HIPK1: variants seen among roughly 807,000 people sequenced by gnomAD.
The protein encoded by HIPK1 is homeodomain interacting protein kinase 1, also known as homeodomain-interacting protein kinase 1.
HIPK1 carries 28 observed loss-of-function variants against 117.1 expected under a neutral mutation model. That is an observed-to-expected ratio of 0.24 (90% confidence interval 0.18 to 0.33). The LOEUF is 0.33. Among genes scored for constraint, HIPK1 ranks in the 10% least tolerant of loss-of-function variants. HIPK1 has a pLI of 1.00. For synonymous variants in HIPK1, 605 were observed against 562.5 expected (o/e 1.08, Z -1.07); for missense variants, 1,122 against 1,475.1 (o/e 0.76, Z 3.92).
At chr1:113,952,726 G>GT (rs369231621) in intron 2 of HIPK1, 40 bp from the exon 3 acceptor site, 135,217 of 882,456 alleles carry the variant, frequency 0.15, 20 homozygotes, top group Non-Finnish European at 0.17. Context: ...CCCAAATAAT[G>GT]TTTTTTTTTT....
chr1:113,969,974 G>A lies in HIPK1; in HGVS notation c.2790G>A (p.Arg930=). ...YKPSSSGLKP[R]SNVISYVTVN... ...TCCTCAGCTCTGGACTGAAGCCAAG[G>A]TCTAATGTCATCAGTTATGTCACTG... Residue 930 remains arginine (R), a synonymous_variant, in exon 14 of 16, where the codon AGG becomes AGA. Transcript: ENST00000426820. The A allele has an allele frequency of 6.2e-7, 1 of 1,614,126 alleles. No homozygotes were observed.
rs944963721 is a variant in HIPK1, at chr1:113,974,647, C to T, written c.*1135C>T. 1.3e-5 allele frequency: 2 copies of T among 152,636 alleles called. No homozygotes were observed. The highest frequency in any genetic ancestry group is 2.9e-5 in the Non-Finnish European group (2 of 68,012). 9.5% of individuals were successfully genotyped at this position (152,636 alleles called of 1,614,324 possible). On this transcript the variant is annotated 3_prime_UTR_variant, in exon 16 of 16. Transcript: ENST00000426820. ...ATGCCAGCAGCAAATTGAATGCTCT[C>T]TTATTAAGACTTATATAATAAGTGC...
At position 113,929,412 on chromosome 1, in the gene HIPK1, C is replaced by T; in HGVS notation, c.-123C>T. 2 of 1,289,310 alleles carry T rather than the reference C, an allele frequency of 1.6e-6. No individual in the cohort carries two copies. The highest frequency in any genetic ancestry group is 2.0e-6 in the Non-Finnish European group (2 of 988,856). The allele number at this position is 1,289,310 out of a possible 1,614,324, so 79.9% of individuals were successfully genotyped here. A position where few individuals can be genotyped will look rare whatever the true frequency, so the allele number is the denominator to read the frequency against. On this transcript the variant is annotated 5_prime_UTR_variant, in exon 1 of 16. Coordinates refer to ENST00000426820, the MANE Select transcript of HIPK1 (RefSeq NM_198268.3). ...TGCGGAGGGGGCGGGAAGTCCAGGC[C>T]CCGCACTCGATCCACGCTGGCTCCC...
Position 113,973,644 on chromosome 1 carries a change from C to A in HIPK1, c.*132C>A. ...CAGCAACTTGTTCTGCAGGGGCCCA[C>A]TGAAGCAGAAGGTTTTTCTCTGGGG... is the stretch of plus-strand genomic sequence containing the variant. On this transcript the variant is annotated 3_prime_UTR_variant, in exon 16 of 16. Coordinates refer to ENST00000426820, the MANE Select transcript of HIPK1 (RefSeq NM_198268.3). 1 of 1,063,028 alleles carries A rather than the reference C, an allele frequency of 9.4e-7. No individual in the cohort carries two copies. The highest frequency in any genetic ancestry group is 1.3e-6 in the Non-Finnish European group (1 of 762,338). The allele number at this position is 1,063,028 out of a possible 1,614,324, so 65.8% of individuals were successfully genotyped here.
intron 2 of HIPK1, among the ~76,000 whole-genome samples, chr1:113,950,291 T>C (rs1671263509): frequency 6.6e-6 from 1 of 152,134 alleles, no homozygotes; most frequent in Non-Finnish European, 1.5e-5. Context: ...GGGTATTCTG[T>C]GAGGAGACAC....
chr1:113,929,868 C>G, intron 1 of HIPK1: 1 of 987,592 alleles, frequency 1.0e-6, no homozygotes, highest in South Asian at 4.5e-5. Context: ...GCTGCGGGGC[C>G]CCAGATCTCG....
chr1:113,972,696 A>C (rs1376427362), intron 15 of HIPK1, among the ~76,000 whole-genome samples: 1 of 152,224 alleles, frequency 6.6e-6, no homozygotes, highest in Non-Finnish European at 1.5e-5. Context: ...GCTAGGAAAA[A>C]TTCAAATTTA....
chr1:113,931,825 C>T (rs1054393124), intron 1 of HIPK1, among the ~76,000 whole-genome samples: 14 of 152,160 alleles, frequency 9.2e-5, no homozygotes, highest in Non-Finnish European at 5.9e-5. Context: ...TATATTGTAA[C>T]TGGTCTTGTA....
At position 113,963,393 on chromosome 1, in the gene HIPK1, T is replaced by C; in HGVS notation, c.2110T>C (p.Cys704Arg). The C allele has an allele frequency of 6.2e-7, 1 of 1,614,084 alleles. No individual in the cohort carries two copies. The highest frequency in any genetic ancestry group is 8.5e-7 in the Non-Finnish European group (1 of 1,180,008). Residue 704 changes from cysteine to arginine, a missense_variant, in exon 10 of 16, where the codon TGT becomes CGT. This residue lies in a region of HIPK1 where 731 missense variants were observed against 860.4 expected (regional missense o/e 0.85). Coordinates refer to ENST00000426820, the MANE Select transcript of HIPK1 (RefSeq NM_198268.3). The stretch of plus-strand genomic sequence containing the variant: ...TGCCTAATCTACGTTTCAGGGAAGC[T>C]GTACACCACTAATGGTAGCAACTCT... ...IQSGVLTQGSCTPLMVATLHP... is the reference protein window; with the variant it reads ...IQSGVLTQGSRTPLMVATLHP...
In HIPK1 at chr1:113,971,953, A is replaced by G; in HGVS notation, c.3143A>G (p.Gln1048Arg). 2 of 1,611,330 alleles carry G rather than the reference A, an allele frequency of 1.2e-6. No homozygotes were observed. Among genetic ancestry groups the G allele is most frequent in the Non-Finnish European group, 1.7e-6 (2 of 1,178,788 alleles). The change falls in exon 15 of 16, where the codon CAG (glutamine) becomes CGG (arginine). Residue 1048 changes from glutamine to arginine, a missense_variant and splice_region_variant. Gln to Arg is a conservative substitution (Grantham distance 43). This residue lies in a region of HIPK1 where 731 missense variants were observed against 860.4 expected (regional missense o/e 0.85). Coordinates refer to ENST00000426820, the MANE Select transcript of HIPK1 (RefSeq NM_198268.3). ...GCAGCACAACCACTCAATCTTAGCCAGGTAAGTGCTATGGGCTACTGCCTT... is the reference window on the plus strand; with the variant it reads ...GCAGCACAACCACTCAATCTTAGCCGGGTAAGTGCTATGGGCTACTGCCTT... Reference protein sequence around the residue: ...TSAAQPLNLSQNQQSSAAPTS... With the variant: ...TSAAQPLNLSRNQQSSAAPTS...
In HIPK1 at chr1:113,956,771, G is replaced by C; in HGVS notation, c.1552G>C (p.Val518Leu). 1.2e-6 allele frequency: 2 copies of C among 1,614,104 alleles called. No homozygotes were observed. The highest frequency in any genetic ancestry group is 1.7e-6 in the Non-Finnish European group (2 of 1,179,994). ...TCTAAAAACTCTTAACCATCAGTTT[G>C]TGACAATGACTCACCTTTTGGATTT... ...TPLKTLNHQF[V>L]TMTHLLDFPH... The change falls in exon 6 of 16, where the codon GTG becomes CTG. Residue 518 changes from valine to leucine, a missense_variant. Val to Leu is a conservative substitution (Grantham distance 32). This residue lies in a region of HIPK1 where 731 missense variants were observed against 860.4 expected (regional missense o/e 0.85). Transcript: ENST00000426820.
Position 113,968,038 on chromosome 1 carries a change from T to C in HIPK1, c.2564+90T>C, listed in dbSNP as rs185976183. 187 of 1,196,422 alleles carry C rather than the reference T, an allele frequency of 1.6e-4. No homozygotes were observed. In the African/African-American group the frequency reaches 2.5e-3, roughly 16 times the overall value. 74.1% of individuals were successfully genotyped at this position (1,196,422 alleles called of 1,614,324 possible). On this transcript the variant is annotated intron_variant, in intron 12 of 15. Transcript: ENST00000426820. The stretch of plus-strand genomic sequence containing the variant: ...TGGAATATTGTATAGACATATAATA[T>C]AGATATGAAGCAGCAAGTAGCTGCC...
At chr1:113,956,426 A>G (rs1258035876) in intron 5 of HIPK1, among the ~76,000 whole-genome samples, 1 of 152,068 alleles carries the variant, frequency 6.6e-6, no homozygotes, top group African/African-American at 2.4e-5. Context: ...TCTACCACTC[A>G]ATTTAGATGA....
chr1:113,939,677 G>A (rs986808297), intron 1 of HIPK1, among the ~76,000 whole-genome samples: 1 of 152,052 alleles, frequency 6.6e-6, no homozygotes, highest in African/African-American at 2.4e-5. Flanking sequence ...GTAGAGCAAG[G>A]AAAGAGGGAT....
intron 1 of HIPK1, chr1:113,930,009 G>T: frequency 1.0e-6 from 1 of 985,236 alleles, no homozygotes; most frequent in African/African-American, 1.7e-5. Flanking sequence ...AGGCGGGGCC[G>T]GGCCGGCCGC....
rs929614067 is a variant in HIPK1 at position 113,972,095 on chromosome 1, T to A, written c.3144+141T>A. On this transcript the variant is annotated intron_variant, in intron 15 of 15. Coordinates refer to ENST00000426820, the MANE Select transcript of HIPK1 (RefSeq NM_198268.3). ...ACAATTTTGTGTTCTATGGCTTACG[T>A]CGTACCGCATATGCTGTGTCTCTTC... 8.1e-6 allele frequency: 13 copies of A among 1,600,510 alleles called. No individual in the cohort carries two copies. In the South Asian group the frequency reaches 1.2e-4, roughly 15 times the overall value.
chr1:113,943,330 GTC>G (rs1372163569), intron 2 of HIPK1, among the ~76,000 whole-genome samples: 1 of 151,964 alleles, frequency 6.6e-6, no homozygotes, highest in Non-Finnish European at 1.5e-5. Context: ...TTGACTTTCT[GTC>G]TCTATGAATT....
intron 2 of HIPK1, among the ~76,000 whole-genome samples, chr1:113,944,613 A>G (rs1051761632): frequency 6.6e-6 from 1 of 150,706 alleles, no homozygotes; most frequent in African/African-American, 2.4e-5. Context: ...CCTCCTGAGT[A>G]GCTGGGAATA....
At chr1:113,947,727 A>G (rs1464350585) in intron 2 of HIPK1, among the ~76,000 whole-genome samples, 2 of 152,176 alleles carry the variant, frequency 1.3e-5, no homozygotes, top group African/African-American at 4.8e-5. Context: ...TGTTTCTATC[A>G]CTTAGCTGTA....
Sources: allele counts gnomAD v4.1 joint callset (sites outside exome capture counted in the v4.1 genomes callset), GRCh38; gene constraint gnomAD v4.1.1; regional missense constraint gnomAD v4.1.1; transcripts MANE v1.5; gene names NCBI Gene and HGNC (gene_info 2026-07-23, HGNC 2026-07-21).